KCNH8: variants seen among roughly 807,000 people sequenced by gnomAD.
The protein encoded by KCNH8 is potassium voltage-gated channel subfamily H member 8.
A neutral mutation model predicts 103.6 loss-of-function variants in KCNH8; 70 were observed. The ratio of observed to expected loss-of-function variants is 0.68; its 90% CI spans 0.56 to 0.82. KCNH8 has a LOEUF of 0.82. KCNH8 is among the 40% of genes least tolerant of loss of function. The pLI, the probability that KCNH8 is intolerant of heterozygous loss-of-function variation, is 0.00. For synonymous variants in KCNH8, 498 were observed against 489.4 expected, an observed-to-expected ratio of 1.02 and a Z score of -0.23; for missense variants, 1,217 against 1,329.9, an observed-to-expected ratio of 0.92 and a Z score of 1.32.
rs544039768 is a variant in KCNH8, at chr3:19,300,838, A to T, written c.442+19509A>T. Among the ~76,000 whole-genome samples, 8 of 151,582 alleles carry T rather than the reference A, an allele frequency of 5.3e-5. No homozygotes were observed. The South Asian group carries it at 1.7e-3, about 31-fold the overall frequency. On this transcript the variant is annotated intron_variant, in intron 3 of 15. Transcript: ENST00000328405. ...TATTTATTAAGTAATATTAATTTTT[A>T]AAATATTAAATTTTTAACTCCTTTT...
intron 3 of KCNH8, among the ~76,000 whole-genome samples, chr3:19,306,235 G>C (rs1410596762): frequency 2.0e-5 from 3 of 152,088 alleles, no homozygotes; most frequent in Non-Finnish European, 4.4e-5. Flanking sequence ...TAATGTATTA[G>C]TGAGTGATAA....
chr3:19,168,805 T>C (rs79935515), intron 1 of KCNH8, among the ~76,000 whole-genome samples: 1 of 152,176 alleles, frequency 6.6e-6, no homozygotes. Flanking sequence ...CATTATGAAA[T>C]TTCCTCAGAA....
rs2066492757 is a variant in KCNH8, at chr3:19,394,974, G to T, written c.970-130G>T. ...TCTGATATAATATGTCAAGAACAAA[G>T]AATTCATAAAAATAATAATATGAAA... On this transcript the variant is annotated intron_variant, in intron 6 of 15. Transcript: ENST00000328405. The T allele has an allele frequency of 7.3e-6, 5 of 688,132 alleles. No individual in the cohort carries two copies. The South Asian group carries it at 8.5e-5, about 12-fold the overall frequency. The allele number at this position is 688,132 out of a possible 1,614,324, so 42.6% of individuals were successfully genotyped here. A position where few individuals can be genotyped will look rare whatever the true frequency, so the allele number is the denominator to read the frequency against.
chr3:19,376,601 A>G (rs1470563961), intron 5 of KCNH8, among the ~76,000 whole-genome samples: 1 of 152,294 alleles, frequency 6.6e-6, no homozygotes, highest in South Asian at 2.1e-4. Context: ...AGCTGTTCCT[A>G]TTCGGCCATC....
intron 1 of KCNH8, among the ~76,000 whole-genome samples, chr3:19,171,347 T>G (rs1366931703): frequency 2.0e-5 from 3 of 152,230 alleles, no homozygotes; most frequent in Non-Finnish European, 4.4e-5. Flanking sequence ...ATTAGGTCCC[T>G]TGGAGAATAC....
Position 19,438,324 on chromosome 3 carries a change from A to G in KCNH8, c.1338A>G (p.Ala446=), listed in dbSNP as rs1478019584. 2 of 1,613,906 alleles carry G rather than the reference A, an allele frequency of 1.2e-6. No individual in the cohort carries two copies. The highest frequency in any genetic ancestry group is 2.2e-5 in the East Asian group (1 of 44,882). ...GGAACGTCTCTGCTAATACAGATGC[A>G]GAAAAGATCTTCTCCATCTGCACCA... is the stretch of plus-strand genomic sequence containing the variant. ...GFGNVSANTD[A]EKIFSICTML... The change falls in exon 8 of 16, where the codon GCA becomes GCG. Residue 446 remains alanine (A), a synonymous_variant. Coordinates refer to ENST00000328405, the MANE Select transcript of KCNH8 (RefSeq NM_144633.3).
chr3:19,234,822 C>T (rs2064043620), intron 1 of KCNH8, among the ~76,000 whole-genome samples: 1 of 152,264 alleles, frequency 6.6e-6, no homozygotes, highest in African/African-American at 2.4e-5. Flanking sequence ...GACCTGCGTA[C>T]ATGATCCCAG....
intron 1 of KCNH8, among the ~76,000 whole-genome samples, chr3:19,237,060 A>G (rs972091973): frequency 7.9e-5 from 12 of 152,352 alleles, no homozygotes; most frequent in East Asian, 3.9e-4. Context: ...TTAAATGGCA[A>G]TACATGTTAA....
At chr3:19,463,063 T>C (rs1010280442) in intron 11 of KCNH8, among the ~76,000 whole-genome samples, 2 of 152,190 alleles carry the variant, frequency 1.3e-5, no homozygotes, top group Admixed American at 6.6e-5. Flanking sequence ...ATAACAACTA[T>C]TTACATAGAA....
intron 11 of KCNH8, among the ~76,000 whole-genome samples, chr3:19,508,410 T>C (rs1455509883): frequency 1.3e-5 from 2 of 152,210 alleles, no homozygotes; most frequent in East Asian, 3.9e-4. Flanking sequence ...TGGTGTTCAT[T>C]TCTCTGCTTA....
At chr3:19,478,429 TCAA>T (rs974166206) in intron 11 of KCNH8, among the ~76,000 whole-genome samples, 11 of 152,284 alleles carry the variant, frequency 7.2e-5, no homozygotes, top group South Asian at 2.1e-4. Flanking sequence ...CTCCACATCC[TCAA>T]CAACATCTGT....
chr3:19,213,237 A>G (rs1186271789), intron 1 of KCNH8, among the ~76,000 whole-genome samples: 2 of 152,208 alleles, frequency 1.3e-5, no homozygotes, highest in African/African-American at 4.8e-5. Flanking sequence ...GAAACCTAAG[A>G]CAACATTGCA....
rs531911157 is a variant in KCNH8 at position 19,169,756 on chromosome 3, A to G, written c.76+20961A>G. ...TATATTATCCTGTTTTATAACAAAGATAACCTAGCACGTAATTGTCCCTCA... is the reference window on the plus strand; with the variant it reads ...TATATTATCCTGTTTTATAACAAAGGTAACCTAGCACGTAATTGTCCCTCA... On this transcript the variant is annotated intron_variant, in intron 1 of 15. Transcript: ENST00000328405. 2.0e-5 allele frequency among the ~76,000 whole-genome samples: 3 copies of G among 152,342 alleles called. 1 individual carries two copies. The South Asian group carries it at 6.2e-4, about 32-fold the overall frequency.
At chr3:19,196,103 T>A (rs1288825540) in intron 1 of KCNH8, among the ~76,000 whole-genome samples, 1 of 152,024 alleles carries the variant, frequency 6.6e-6, no homozygotes, top group Non-Finnish European at 1.5e-5. Flanking sequence ...CAAGTCTGGC[T>A]TATTGGGCCA....
At chr3:19,460,129 A>T (rs1356826420) in intron 11 of KCNH8, among the ~76,000 whole-genome samples, 2 of 152,216 alleles carry the variant, frequency 1.3e-5, no homozygotes, top group African/African-American at 4.8e-5. Flanking sequence ...CAGTATCAGC[A>T]AACCAACTTA....
At chr3:19,432,575 G>A (rs757900568) in intron 7 of KCNH8, among the ~76,000 whole-genome samples, 26 of 152,228 alleles carry the variant, frequency 1.7e-4, no homozygotes, top group Middle Eastern at 3.4e-3. Context: ...TGCAAGTGAT[G>A]AGTACTTTCA....
intron 11 of KCNH8, among the ~76,000 whole-genome samples, chr3:19,472,718 A>G (rs2067888417): frequency 6.6e-6 from 1 of 152,226 alleles, no homozygotes; most frequent in African/African-American, 2.4e-5. Context: ...GTCACTGATT[A>G]GATATATAAT....
At chr3:19,324,312 G>T (rs757859525) in intron 3 of KCNH8, among the ~76,000 whole-genome samples, 7 of 152,126 alleles carry the variant, frequency 4.6e-5, no homozygotes, top group Non-Finnish European at 1.0e-4. Flanking sequence ...TTACAATCAT[G>T]GCAGAAGGTA....
intron 3 of KCNH8, among the ~76,000 whole-genome samples, chr3:19,335,184 C>A (rs1411266784): frequency 6.6e-6 from 1 of 151,336 alleles, no homozygotes; most frequent in Non-Finnish European, 1.5e-5. Context: ...TTATAAAGAC[C>A]TTTTTAAAAA....
Sources: gnomAD v4.1 joint callset for allele counts (sites outside exome capture counted in the v4.1 genomes callset) on GRCh38, gnomAD v4.1.1 for gene constraint, MANE v1.5 for transcripts, NCBI Gene and HGNC (gene_info 2026-07-23, HGNC 2026-07-21) for gene names.